CHST11: variants seen among roughly 807,000 people sequenced by gnomAD.
CHST11 encodes the protein C4S-1.
Under a neutral mutation model 30.4 loss-of-function variants are expected in CHST11, and 9 were observed. The observed-to-expected ratio is 0.30, with a 90% CI of 0.18 to 0.52. The LOEUF (loss-of-function observed/expected upper bound fraction) is 0.52, where lower values mean the gene tolerates loss of function less well. CHST11 is among the 20% of genes least tolerant of loss of function. The probability of loss-of-function intolerance (pLI) is 0.97; values close to 1 mark genes in which losing one functional copy is unlikely to be tolerated. For missense variants in CHST11, 348 were observed against 460.6 expected, an observed-to-expected ratio of 0.76 and a Z score of 2.24; for synonymous variants, 152 against 187.8, an observed-to-expected ratio of 0.81 and a Z score of 1.56.
intron 1 of CHST11, among the ~76,000 whole-genome samples, chr12:104,466,678 A>G (rs1020827024): frequency 6.6e-6 from 1 of 152,244 alleles, no homozygotes; most frequent in African/African-American, 2.4e-5. Flanking sequence ...AGGAGGGTAG[A>G]ATGAACGATG....
At chr12:104,740,542 G>A (rs1442782766) in intron 2 of CHST11, among the ~76,000 whole-genome samples, 3 of 152,198 alleles carry the variant, frequency 2.0e-5, no homozygotes. Flanking sequence ...CTGGGAGTGG[G>A]TGGATGAGCT....
At chr12:104,672,810 G>C (rs2039708206) in intron 2 of CHST11, among the ~76,000 whole-genome samples, 1 of 152,164 alleles carries the variant, frequency 6.6e-6, no homozygotes, top group African/African-American at 2.4e-5. Context: ...CTCCCGCATG[G>C]CACCTCTGTT....
intron 2 of CHST11, among the ~76,000 whole-genome samples, chr12:104,667,057 A>G (rs1425166205): frequency 1.3e-5 from 2 of 152,172 alleles, no homozygotes; most frequent in Non-Finnish European, 2.9e-5. Context: ...ATAGTCATTC[A>G]TTTTCATTGA....
At chr12:104,704,617 T>G (rs1435618953) in intron 2 of CHST11, among the ~76,000 whole-genome samples, 1 of 152,166 alleles carries the variant, frequency 6.6e-6, no homozygotes, top group Non-Finnish European at 1.5e-5. Flanking sequence ...CCAAGTCTTT[T>G]GTTCTCTTTC....
chr12:104,678,856 G>T (rs1021327069), intron 2 of CHST11, among the ~76,000 whole-genome samples: 14 of 152,176 alleles, frequency 9.2e-5, no homozygotes. Context: ...GTCCTCAGGA[G>T]TGTGGCATTG....
chr12:104,704,390 G>T (rs951545033), intron 2 of CHST11, among the ~76,000 whole-genome samples: 1 of 152,196 alleles, frequency 6.6e-6, no homozygotes, highest in Admixed American at 6.5e-5. Context: ...AGGGGAAGCT[G>T]CGGGAGCCGG....
chr12:104,516,176 G>A (rs2038020850), intron 1 of CHST11, among the ~76,000 whole-genome samples: 2 of 152,030 alleles, frequency 1.3e-5, no homozygotes, highest in Admixed American at 6.5e-5. Flanking sequence ...AGCATTCCTG[G>A]CCTTTACTCA....
chr12:104,689,656 G>A (rs1207213986), intron 2 of CHST11, among the ~76,000 whole-genome samples: 1 of 152,176 alleles, frequency 6.6e-6, no homozygotes, highest in East Asian at 1.9e-4. Context: ...AGTTAGAGAC[G>A]GGGTTGGGGA....
At chr12:104,620,987 T>A (rs2039153659) in intron 2 of CHST11, among the ~76,000 whole-genome samples, 1 of 152,252 alleles carries the variant, frequency 6.6e-6, no homozygotes, top group Admixed American at 6.5e-5. Flanking sequence ...GGCAAATTGC[T>A]GCCATTTGTT....
intron 1 of CHST11, among the ~76,000 whole-genome samples, chr12:104,557,629 A>AGGGC (rs1324414120): frequency 6.6e-6 from 1 of 151,612 alleles, no homozygotes; most frequent in Non-Finnish European, 1.5e-5. Flanking sequence ...TCAAAGGGAG[A>AGGGC]GGGCGGGAGA....
chr12:104,459,533 A>T (rs576805476), intron 1 of CHST11, among the ~76,000 whole-genome samples: 53 of 152,348 alleles, frequency 3.5e-4, no homozygotes, highest in African/African-American at 1.2e-3. Flanking sequence ...TGCCCAGGGA[A>T]ATACAATTGT....
chr12:104,601,921 C>T lies in CHST11; in HGVS notation c.134C>T (p.Pro45Leu). 6.2e-7 allele frequency: 1 copy of T among 1,613,880 alleles called. No homozygotes were observed. Among genetic ancestry groups the T allele is most frequent in the Non-Finnish European group, 8.5e-7 (1 of 1,179,856 alleles). ...SMLHPVMRRNPFGVDICCRKG... is the reference protein window; with the variant it reads ...SMLHPVMRRNLFGVDICCRKG... ...CTTTCCTCAGTCATGCGGAGGAATC[C>T]CTTTGGTGTGGACATCTGCTGCCGG... The change falls in exon 2 of 3, where the codon CCC becomes CTC. Residue 45 changes from proline (P) to leucine (L), a missense_variant. Coordinates refer to ENST00000303694, the MANE Select transcript of CHST11 (RefSeq NM_018413.6).
At chr12:104,580,315 A>G (rs534287020) in intron 1 of CHST11, among the ~76,000 whole-genome samples, 1 of 152,222 alleles carries the variant, frequency 6.6e-6, no homozygotes, top group Non-Finnish European at 1.5e-5. Flanking sequence ...GCCACAATAA[A>G]GCCAAAAGCG....
At chr12:104,629,060 A>G (rs2039246507) in intron 2 of CHST11, among the ~76,000 whole-genome samples, 2 of 152,124 alleles carry the variant, frequency 1.3e-5, no homozygotes, top group South Asian at 4.1e-4. Context: ...AGTCTACTCA[A>G]TGCCTCATTC....
intron 2 of CHST11, among the ~76,000 whole-genome samples, chr12:104,705,701 G>A (rs1029166318): frequency 6.6e-6 from 1 of 152,140 alleles, no homozygotes; most frequent in Admixed American, 6.5e-5. Context: ...CAGGAGGATT[G>A]TTTGGGGCCA....
intron 1 of CHST11, among the ~76,000 whole-genome samples, chr12:104,525,326 C>T (rs1425597944): frequency 2.0e-5 from 3 of 152,176 alleles, no homozygotes; most frequent in Admixed American, 2.0e-4. Context: ...AGTGTATACT[C>T]TTCAGAATTA....
At chr12:104,482,629 A>C (rs2037637661) in intron 1 of CHST11, among the ~76,000 whole-genome samples, 1 of 152,108 alleles carries the variant, frequency 6.6e-6, no homozygotes, top group Non-Finnish European at 1.5e-5. Context: ...GAGTTGTTGT[A>C]ATAAGAGCTG....
At chr12:104,494,971 C>T (rs1321783835) in intron 1 of CHST11, among the ~76,000 whole-genome samples, 1 of 152,122 alleles carries the variant, frequency 6.6e-6, no homozygotes, top group African/African-American at 2.4e-5. Flanking sequence ...ACAACAACTC[C>T]CCATTTTCTC....
chr12:104,538,874 G>A (rs1456925896), intron 1 of CHST11, among the ~76,000 whole-genome samples: 3 of 152,184 alleles, frequency 2.0e-5, no homozygotes, highest in Admixed American at 6.5e-5. Context: ...AACAATGAAA[G>A]CTCACACTTA....
Sources: gnomAD v4.1 joint callset for allele counts (sites outside exome capture counted in the v4.1 genomes callset) on GRCh38, gnomAD v4.1.1 for gene constraint, MANE v1.5 for transcripts, NCBI Gene and HGNC (gene_info 2026-07-23, HGNC 2026-07-21) for gene names.